Variants in NRG3 observed in about 807,000 individuals in gnomAD.
NRG3 encodes pro-neuregulin-3, membrane-bound isoform.
In NRG3, 31 loss-of-function variants were observed where a neutral mutation model predicts 66.9. That is an observed-to-expected ratio of 0.46 (90% CI 0.35 to 0.63). The LOEUF is 0.63. Among genes scored for constraint, NRG3 ranks in the 20% least tolerant of loss-of-function variants. NRG3 has a pLI of 0.00. For missense variants in NRG3, 910 were observed against 878.9 expected, an observed-to-expected ratio of 1.04 and a Z score of -0.45; for synonymous variants, 393 against 359.4, an observed-to-expected ratio of 1.09 and a Z score of -1.06.
Position 82,973,895 on chromosome 10 carries a change from C to A in NRG3, c.1392C>A (p.Ser464Arg). The A allele has an allele frequency of 6.2e-7, 1 of 1,613,994 alleles. No homozygotes were observed. The highest frequency in any genetic ancestry group is 8.5e-7 in the Non-Finnish European group (1 of 1,179,934). Residue 464 changes from serine (S) to arginine (R), a missense_variant, in exon 7 of 9, where the codon AGC (serine) becomes AGA (arginine). Coordinates refer to ENST00000372141, the MANE Select transcript of NRG3 (RefSeq NM_001010848.4). ...FPEVPSPDRG[S>R]QSVKHHRSLS... ...AGGTCCCTTCTCCTGACAGAGGAAG[C>A]CAGTCTGTCAAACACCACAGGTACA... is the stretch of plus-strand genomic sequence containing the variant.
intron 3 of NRG3, among the ~76,000 whole-genome samples, chr10:82,759,382 T>C (rs1422861281): frequency 1.3e-5 from 2 of 152,002 alleles, no homozygotes; most frequent in Non-Finnish European, 1.5e-5. Context: ...TCTTGAACTT[T>C]CCAGTCACCA....
At chr10:82,486,507 C>T (rs959210238) in intron 2 of NRG3, among the ~76,000 whole-genome samples, 2 of 151,916 alleles carry the variant, frequency 1.3e-5, no homozygotes, top group African/African-American at 2.4e-5. Context: ...CTCTGTCTCC[C>T]GGGTTGAAGC....
intron 2 of NRG3, among the ~76,000 whole-genome samples, chr10:82,666,264 A>G (rs988817809): frequency 6.6e-6 from 1 of 152,162 alleles, no homozygotes; most frequent in Admixed American, 6.5e-5. Context: ...ATTCTTTATC[A>G]TCTATGTGAG....
intron 1 of NRG3, among the ~76,000 whole-genome samples, chr10:82,122,640 G>T (rs2068166163): frequency 6.6e-6 from 1 of 152,114 alleles, no homozygotes; most frequent in African/African-American, 2.4e-5. Flanking sequence ...TCTAGACATT[G>T]TCTGCCCTGA....
At chr10:82,402,424 C>G (rs1283143087) in intron 2 of NRG3, among the ~76,000 whole-genome samples, 1 of 152,038 alleles carries the variant, frequency 6.6e-6, no homozygotes, top group Non-Finnish European at 1.5e-5. Context: ...CTTTTCTAAC[C>G]AAAGAAGTTG....
chr10:82,747,214 T>C (rs1054424479), intron 3 of NRG3, among the ~76,000 whole-genome samples: 3 of 152,058 alleles, frequency 2.0e-5, no homozygotes, highest in African/African-American at 7.2e-5. Context: ...TCTTTTAAAC[T>C]ATTCTTTTAT....
chr10:82,519,007 G>A (rs995689655), intron 2 of NRG3, among the ~76,000 whole-genome samples: 3 of 152,172 alleles, frequency 2.0e-5, no homozygotes, highest in African/African-American at 7.2e-5. Context: ...TTCCCCAGAT[G>A]TTCACCCCTG....
chr10:82,659,262 A>C (rs1453078798), intron 2 of NRG3, among the ~76,000 whole-genome samples: 1 of 152,252 alleles, frequency 6.6e-6, no homozygotes, highest in African/African-American at 2.4e-5. Flanking sequence ...AATCATCAAA[A>C]GCCTGGAGAA....
chr10:82,593,643 C>T (rs1347952939), intron 2 of NRG3, among the ~76,000 whole-genome samples: 1 of 151,728 alleles, frequency 6.6e-6, no homozygotes, highest in African/African-American at 2.4e-5. Flanking sequence ...ATATACAAAA[C>T]ACTTAGCATA....
intron 6 of NRG3, among the ~76,000 whole-genome samples, chr10:82,969,481 C>T (rs898274626): frequency 1.3e-5 from 2 of 152,130 alleles, no homozygotes; most frequent in Non-Finnish European, 2.9e-5. Context: ...TGAAAACAAT[C>T]ACCTTTTCCA....
intron 4 of NRG3, among the ~76,000 whole-genome samples, chr10:82,870,126 C>A (rs1841194259): frequency 6.6e-6 from 1 of 151,590 alleles, no homozygotes; most frequent in African/African-American, 2.4e-5. Flanking sequence ...CCTCAGCCTC[C>A]CAAAGTGCTA....
chr10:82,525,388 T>C (rs186576300), intron 2 of NRG3, among the ~76,000 whole-genome samples: 3 of 151,930 alleles, frequency 2.0e-5, no homozygotes, highest in African/African-American at 7.2e-5. Context: ...GAAATCCTCC[T>C]AACGTTGAGG....
intron 1 of NRG3, among the ~76,000 whole-genome samples, chr10:81,936,540 G>A (rs1847885277): frequency 6.6e-6 from 1 of 152,152 alleles, no homozygotes; most frequent in Admixed American, 6.5e-5. Context: ...GGATGGTTGT[G>A]TGTACAGAAG....
chr10:81,927,927 G>C (rs189252357), intron 1 of NRG3, among the ~76,000 whole-genome samples: 3 of 152,212 alleles, frequency 2.0e-5, no homozygotes, highest in Non-Finnish European at 2.9e-5. Flanking sequence ...ATTCCTTGTA[G>C]CAATAAGATA....
At chr10:82,321,377 T>G (rs1564793126) in intron 1 of NRG3, among the ~76,000 whole-genome samples, 1 of 152,060 alleles carries the variant, frequency 6.6e-6, no homozygotes, top group Non-Finnish European at 1.5e-5. Context: ...GTTCTTACAA[T>G]GTACCAAAAC....
intron 1 of NRG3, among the ~76,000 whole-genome samples, chr10:82,084,042 A>G (rs188847107): frequency 0.038 from 5,728 of 151,818 alleles, 150 homozygotes; most frequent in East Asian, 0.1. Context: ...AGCCTGGCCA[A>G]CATGGCGAAA....
intron 2 of NRG3, among the ~76,000 whole-genome samples, chr10:82,503,528 A>G (rs764364628): frequency 1.3e-5 from 2 of 152,232 alleles, no homozygotes; most frequent in Non-Finnish European, 2.9e-5. Flanking sequence ...ACATATATCT[A>G]TAAAATATCA....
intron 1 of NRG3, among the ~76,000 whole-genome samples, chr10:82,173,276 T>C (rs1191646274): frequency 1.3e-5 from 2 of 152,040 alleles, no homozygotes; most frequent in South Asian, 2.1e-4. Flanking sequence ...TTAAGTTTTT[T>C]TTTTTTCCAT....
chr10:82,720,611 C>G (rs2057237682), intron 2 of NRG3, among the ~76,000 whole-genome samples: 1 of 151,590 alleles, frequency 6.6e-6, no homozygotes, highest in South Asian at 2.1e-4. Context: ...GTAACAACAT[C>G]TCCTTCTCAA....
Sources: gnomAD v4.1 joint callset for allele counts (sites outside exome capture counted in the v4.1 genomes callset) on GRCh38, gnomAD v4.1.1 for gene constraint, MANE v1.5 for transcripts, NCBI Gene and HGNC (gene_info 2026-07-23, HGNC 2026-07-21) for gene names.